DAGLB: variants seen among roughly 807,000 people sequenced by gnomAD.
DAGLB encodes the protein diacylglycerol lipase beta.
DAGLB carries 66 observed loss-of-function variants against 72.1 expected under a neutral mutation model. The ratio of observed to expected loss-of-function variants is 0.92; its 90% CI spans 0.75 to 1.12. The LOEUF (loss-of-function observed/expected upper bound fraction) is 1.12. DAGLB is among the 50% of genes most tolerant of loss of function. The pLI, the probability that DAGLB is intolerant of heterozygous loss-of-function variation, is 0.00. For missense variants in DAGLB, 1,065 were observed against 884.9 expected (o/e 1.20, Z -2.58); for synonymous variants, 414 against 359.5 (o/e 1.15, Z -1.71).
At chr7:6,421,320 G>A (rs13309217) in intron 9 of DAGLB, among the ~76,000 whole-genome samples, 1 of 112,248 alleles carries the variant, frequency 8.9e-6, no homozygotes, top group African/African-American at 4.3e-5. Context: ...GGCAGCGCGG[G>A]AGGCGCAGGC....
chr7:6,415,256 T>C (rs1562478649), intron 11 of DAGLB, among the ~76,000 whole-genome samples: 1 of 152,062 alleles, frequency 6.6e-6, no homozygotes. Flanking sequence ...AGGCAACAAT[T>C]CATTATTCTG....
chr7:6,413,048 CAGAG>C lies in DAGLB; in HGVS notation c.1428-18_1428-15del, dbSNP rs1224273378. Reference sequence around the variant, plus strand: ...TGCAGAGCTTTGCTGAAATTCCAAACAGAGAGAGGATGTTAGCTTTACGATGACA... The same window carrying C: ...TGCAGAGCTTTGCTGAAATTCCAAACAGAGGATGTTAGCTTTACGATGACA... On this transcript the variant is annotated splice_polypyrimidine_tract_variant and intron_variant, in intron 11 of 14. Transcript: ENST00000297056. 2.5e-6 allele frequency: 4 copies of C among 1,611,266 alleles called. No homozygotes were observed. Among genetic ancestry groups the C allele is most frequent in the Non-Finnish European group, 2.5e-6 (3 of 1,177,884 alleles).
At chr7:6,421,967 G>C (rs1381050675) in intron 8 of DAGLB, 163 bp from the exon 9 acceptor site, 4 of 802,140 alleles carry the variant, frequency 5.0e-6, no homozygotes, top group Non-Finnish European at 8.3e-6. Flanking sequence ...GGGAAACCCA[G>C]CGGTGGCTCC....
Position 6,426,077 on chromosome 7 carries a change from C to T in DAGLB, c.967G>A (p.Gly323Ser). ...SRTTDYDLVG[G>S]DQLNCHFGSI... Reference sequence around the variant, plus strand: ...CCGAAGTGACAGTTGAGCTGATCGCCTCCGACCAAGTCATAGTCTGTGGTT... The same window carrying T: ...CCGAAGTGACAGTTGAGCTGATCGCTTCCGACCAAGTCATAGTCTGTGGTT... The change falls in exon 7 of 15, where the codon GGC (glycine) becomes AGC (serine). Residue 323 changes from glycine to serine, a missense_variant. Transcript: ENST00000297056. The T allele has an allele frequency of 6.2e-6, 10 of 1,614,006 alleles. No individual in the cohort carries two copies. Among genetic ancestry groups the T allele is most frequent in the Non-Finnish European group, 7.6e-6 (9 of 1,179,984 alleles).
intron 11 of DAGLB, chr7:6,416,310 G>T (rs62454703): frequency 3.3e-5 from 7 of 209,248 alleles, no homozygotes; most frequent in Non-Finnish European, 9.5e-6. Context: ...TTGGGAGGCC[G>T]AGGCGGGCAG....
chr7:6,416,077 G>C (rs1783904134), intron 11 of DAGLB, among the ~76,000 whole-genome samples: 3 of 152,064 alleles, frequency 2.0e-5, no homozygotes, highest in African/African-American at 7.2e-5. Context: ...GGGAGGGTAT[G>C]AGAGATCCCT....
At chr7:6,418,050 T>C (rs922636324) in intron 9 of DAGLB, among the ~76,000 whole-genome samples, 5 of 152,046 alleles carry the variant, frequency 3.3e-5, no homozygotes, top group Admixed American at 3.3e-4. Context: ...TTTGTATTTT[T>C]AGTAGAGACA....
chr7:6,418,823 C>G (rs1368052254), intron 9 of DAGLB, among the ~76,000 whole-genome samples: 6 of 152,050 alleles, frequency 3.9e-5, no homozygotes. Flanking sequence ...CGCCACCACG[C>G]CCGGCTAATT....
In DAGLB at chr7:6,409,915, G is replaced by T. The variant is rs765010300; in HGVS notation, c.1941C>A (p.Ala647=). The change falls in exon 15 of 15, where the codon GCC becomes GCA. Residue 647 remains alanine, a synonymous_variant. Transcript: ENST00000297056. ...CTCTGTCGGAGACCACGCTGTCCAA[G>T]GCCCGCATCAGGATGTCTGGCATGT... is the stretch of plus-strand genomic sequence containing the variant. ...TDHMPDILMR[A]LDSVVSDRAA... is the part of the protein sequence containing the mutation. The T allele has an allele frequency of 6.2e-7, 1 of 1,614,130 alleles. No homozygotes were observed. The highest frequency in any genetic ancestry group is 1.3e-5 in the African/African-American group (1 of 75,054).
intron 2 of DAGLB, among the ~76,000 whole-genome samples, chr7:6,444,139 T>C (rs930989053): frequency 6.6e-6 from 1 of 152,076 alleles, no homozygotes; most frequent in Non-Finnish European, 1.5e-5. Flanking sequence ...CCAGGTATGG[T>C]GGCACGTGCC....
chr7:6,435,138 C>A, intron 3 of DAGLB, 118 bp from the exon 4 acceptor site: 3 of 1,438,104 alleles, frequency 2.1e-6, no homozygotes, highest in South Asian at 1.3e-5. Context: ...GTTCTGTTAC[C>A]GAGGAAGATG....
intron 9 of DAGLB, among the ~76,000 whole-genome samples, chr7:6,421,381 A>G (rs1485209047): frequency 8.7e-6 from 1 of 114,420 alleles, no homozygotes; most frequent in African/African-American, 3.4e-5. Context: ...CGGGAGGCGC[A>G]GGCAGCGCGG....
chr7:6,430,099 G>A (rs1784432176), intron 6 of DAGLB, among the ~76,000 whole-genome samples: 1 of 151,458 alleles, frequency 6.6e-6, no homozygotes, highest in African/African-American at 2.4e-5. Flanking sequence ...CAACTACTCA[G>A]GAGGCTGAGC....
chr7:6,416,991 G>A, intron 9 of DAGLB, 70 bp from the exon 10 acceptor site: 1 of 1,539,278 alleles, frequency 6.5e-7, no homozygotes, highest in Non-Finnish European at 9.0e-7. Context: ...ACTCAAAGAT[G>A]GGATGACGCT....
At chr7:6,427,102 C>T (rs746456545) in intron 6 of DAGLB, among the ~76,000 whole-genome samples, 2 of 151,678 alleles carry the variant, frequency 1.3e-5, no homozygotes, top group Non-Finnish European at 2.9e-5. Flanking sequence ...AGTGAGACTC[C>T]GTCTCAAAAA....
chr7:6,436,167 G>A (rs913185676), intron 3 of DAGLB, among the ~76,000 whole-genome samples, 195 bp downstream of exon 3: 1 of 151,908 alleles, frequency 6.6e-6, no homozygotes, highest in Non-Finnish European at 1.5e-5. Context: ...ACATCAATAC[G>A]TGCATAACGA....
chr7:6,438,246 A>C (rs1784724866), intron 2 of DAGLB, among the ~76,000 whole-genome samples: 1 of 152,158 alleles, frequency 6.6e-6, no homozygotes, highest in Non-Finnish European at 1.5e-5. Context: ...AGATATACCT[A>C]ATGTAAATGA....
intron 2 of DAGLB, among the ~76,000 whole-genome samples, chr7:6,444,595 C>CT (rs2115301122): frequency 6.6e-6 from 1 of 151,998 alleles, no homozygotes; most frequent in East Asian, 1.9e-4. Context: ...GAGGGAGACT[C>CT]TATCTCAAAA....
intron 8 of DAGLB, among the ~76,000 whole-genome samples, chr7:6,424,362 G>A (rs752597331): frequency 3.6e-4 from 55 of 152,114 alleles, no homozygotes; most frequent in Non-Finnish European, 2.1e-4. Context: ...TGGTGGCCAG[G>A]GGCGTGACTC....
Sources: allele counts gnomAD v4.1 joint callset (sites outside exome capture counted in the v4.1 genomes callset), GRCh38; gene constraint gnomAD v4.1.1; transcripts MANE v1.5; gene names NCBI Gene and HGNC (gene_info 2026-07-23, HGNC 2026-07-21).